Variants in ARAP2 observed in about 807,000 individuals in gnomAD.
The protein encoded by ARAP2 is arf-GAP with Rho-GAP domain, ANK repeat and PH domain-containing protein 2.
ARAP2 carries 148 observed loss-of-function variants against 194.5 expected under a neutral mutation model. The observed-to-expected ratio is 0.76, with a 90% CI of 0.67 to 0.87. ARAP2 has a LOEUF of 0.87. Among genes scored for constraint, ARAP2 ranks in the 40% least tolerant of loss-of-function variants. The pLI is 0.00. For missense variants in ARAP2, 2,128 were observed against 1,989.7 expected (o/e 1.07, Z -1.32); for synonymous variants, 695 against 683.5 (o/e 1.02, Z -0.26).
At chr4:36,054,513 T>C (rs1723182507) in intron 2 of ARAP2, among the ~76,000 whole-genome samples, 2 of 152,126 alleles carry the variant, frequency 1.3e-5, no homozygotes, top group Non-Finnish European at 2.9e-5. Context: ...TTAGTAACGA[T>C]ATGCACCTTC....
rs1722261592 is a variant in ARAP2, at chr4:36,119,806, A to ATAC, written c.3895-91_3895-89dup. 7.8e-6 allele frequency: 7 copies of ATAC among 893,250 alleles called. No homozygotes were observed. In the South Asian group the frequency reaches 1.3e-4, roughly 17 times the overall value. The allele number at this position is 893,250 out of a possible 1,614,324, so 55.3% of individuals were successfully genotyped here. ...CCTCATGTAATCTTCAGGAATTTAAATACTAACAACTTAAAAATAAATGAG... is the reference window on the plus strand; with the variant it reads ...CCTCATGTAATCTTCAGGAATTTAAATACTACTAACAACTTAAAAATAAATGAG... On this transcript the variant is annotated intron_variant, in intron 23 of 32. Coordinates refer to ENST00000303965, the MANE Select transcript of ARAP2 (RefSeq NM_015230.4).
intron 27 of ARAP2, among the ~76,000 whole-genome samples, chr4:36,093,153 A>T (rs1027615116): frequency 1.7e-4 from 26 of 152,066 alleles, no homozygotes; most frequent in Non-Finnish European, 3.1e-4. Flanking sequence ...GAGCTAAATG[A>T]TGAGAACACG....
At chr4:36,035,239 T>G (rs1457380238) in intron 5 of ARAP2, among the ~76,000 whole-genome samples, 1 of 152,138 alleles carries the variant, frequency 6.6e-6, no homozygotes, top group Non-Finnish European at 1.5e-5. Flanking sequence ...AGGCTATTTA[T>G]TACTGATCCA....
intron 10 of ARAP2, chr4:36,005,866 T>C (rs1713167526): frequency 6.6e-6 from 1 of 152,176 alleles, no homozygotes; most frequent in African/African-American, 2.4e-5. Context: ...TAGGATCTCT[T>C]TTTTCTTAAA....
chr4:36,198,219 T>C (rs1309650223), intron 6 of ARAP2, among the ~76,000 whole-genome samples: 1 of 152,198 alleles, frequency 6.6e-6, no homozygotes, highest in Non-Finnish European at 1.5e-5. Context: ...GGGTAGGCCC[T>C]GGCCATGGGT....
At chr4:36,178,097 C>G in intron 8 of ARAP2, 92 bp from the exon 9 acceptor site, 1 of 1,098,210 alleles carries the variant, frequency 9.1e-7, no homozygotes, top group South Asian at 1.8e-5. Flanking sequence ...CTTTGCAACA[C>G]ATAAGTGACA....
intron 14 of ARAP2, 43 bp downstream of exon 14, chr4:36,159,288 A>C (rs372599262): frequency 4.2e-5 from 60 of 1,421,784 alleles, no homozygotes; most frequent in Non-Finnish European, 5.4e-5. Flanking sequence ...CCTTTTACGG[A>C]TCTATCAGAA....
At position 36,187,566 on chromosome 4, in the gene ARAP2, C is replaced by T. The variant is rs1331183304; in HGVS notation, c.1563G>A (p.Met521Ile). Reference sequence around the variant, plus strand: ...AAAGGGGAATTATTCCTTTCGAATACATCTCCTGTATTGGTTAGAAAAAAA... The same window carrying T: ...AAAGGGGAATTATTCCTTTCGAATATATCTCCTGTATTGGTTAGAAAAAAA... Reference protein sequence around the residue: ...SISYYNNEKEMYSKGIIPLSA... With the variant: ...SISYYNNEKEIYSKGIIPLSA... Residue 521 changes from methionine to isoleucine, a missense_variant, in exon 8 of 33, where the codon ATG (methionine) becomes ATA (isoleucine). Physicochemically the swap from Met to Ile is conservative, Grantham distance 10 (BLOSUM62 1). Coordinates refer to ENST00000303965, the MANE Select transcript of ARAP2 (RefSeq NM_015230.4). 1.3e-6 allele frequency: 2 copies of T among 1,551,422 alleles called. No homozygotes were observed. Among genetic ancestry groups the T allele is most frequent in the South Asian group, 2.6e-5 (2 of 77,450 alleles).
intron 6 of ARAP2, among the ~76,000 whole-genome samples, chr4:36,199,136 C>T (rs1743829722): frequency 6.6e-6 from 1 of 152,236 alleles, no homozygotes; most frequent in African/African-American, 2.4e-5. Context: ...CCTGGCCACA[C>T]CTCTCTGCTG....
intron 2 of ARAP2, among the ~76,000 whole-genome samples, chr4:36,225,074 T>A (rs1184370659): frequency 1.3e-5 from 2 of 152,162 alleles, no homozygotes; most frequent in African/African-American, 4.8e-5. Context: ...ACAGGAGACT[T>A]CAGGTTTAGA....
rs761484036 is a variant in ARAP2, at chr4:36,068,045, C to A, written c.4977G>T (p.Lys1659Asn). ...KGHKGLKTLRKTEDRNSKATL... is the reference protein window; with the variant it reads ...KGHKGLKTLRNTEDRNSKATL... Reference sequence around the variant, plus strand: ...TAGCTTTGCTATTCCTGTCCTCAGTCTTCCTCAATGTCTTTAGGCCTTTAT... The same window carrying A: ...TAGCTTTGCTATTCCTGTCCTCAGTATTCCTCAATGTCTTTAGGCCTTTAT... The change falls in exon 33 of 33, where the codon AAG becomes AAT. Residue 1659 changes from lysine (K) to asparagine (N), a missense_variant. By Grantham distance (94) the Lys-to-Asn change is moderately conservative. Transcript: ENST00000303965. 7.4e-6 allele frequency: 12 copies of A among 1,614,138 alleles called. No homozygotes were observed. In the East Asian group the frequency reaches 2.7e-4, roughly 36 times the overall value.
Position 36,120,031 on chromosome 4 carries a change from T to G in ARAP2, c.3895-313A>C, listed in dbSNP as rs376237107. Among the ~76,000 whole-genome samples the G allele has an allele frequency of 8.6e-5, 13 of 151,532 alleles. No individual in the cohort carries two copies. In the East Asian group the frequency reaches 1.2e-3, roughly 14 times the overall value. Reference sequence around the variant, plus strand: ...GTTTATGTAGGTTGAGAAACAAAGCTCATGTATCAAACTGAAATGTTCATT... The same window carrying G: ...GTTTATGTAGGTTGAGAAACAAAGCGCATGTATCAAACTGAAATGTTCATT... On this transcript the variant is annotated intron_variant, in intron 23 of 32. Coordinates refer to ENST00000303965, the MANE Select transcript of ARAP2 (RefSeq NM_015230.4).
intron 7 of ARAP2, among the ~76,000 whole-genome samples, chr4:36,189,586 C>T (rs1741401922): frequency 6.6e-6 from 1 of 152,146 alleles, no homozygotes. Context: ...ACAGCCTCTA[C>T]TATCCTCTGT....
rs529458233 is a variant in ARAP2, at chr4:36,167,212, G to A, written c.1858-165C>T. The stretch of plus-strand genomic sequence containing the variant: ...ACATAATAGCACTGGGCCAACTTAA[G>A]CTTGACAGTTGGACTATTGATAGCG... On this transcript the variant is annotated intron_variant, in intron 9 of 32. Transcript: ENST00000303965. Among the ~76,000 whole-genome samples the A allele has an allele frequency of 1.4e-4, 21 of 152,186 alleles. No individual in the cohort carries two copies. The South Asian group carries it at 4.1e-3, about 30-fold the overall frequency.
intron 2 of ARAP2, among the ~76,000 whole-genome samples, chr4:36,220,729 AAATT>A (rs1387261037): frequency 3.9e-5 from 6 of 152,100 alleles, no homozygotes; most frequent in Admixed American, 3.9e-4. Flanking sequence ...ACCTTTTTAA[AAATT>A]AATTAAAAAT....
Position 36,210,500 on chromosome 4 carries a change from A to T in ARAP2, c.1377T>A (p.Asn459Lys). The change falls in exon 6 of 33, where the codon AAT becomes AAA. Residue 459 changes from asparagine to lysine, a missense_variant. By Grantham distance (94) the Asn-to-Lys change is moderately conservative. Coordinates refer to ENST00000303965, the MANE Select transcript of ARAP2 (RefSeq NM_015230.4). ...HSYPLSSTSGNADSSAVSSQA... is the reference protein window; with the variant it reads ...HSYPLSSTSGKADSSAVSSQA... ...GTGAAGAAACGGCTGATGAATCAGC[A>T]TTTCCACTTGTTGAGCTTAACGGAT... is the stretch of plus-strand genomic sequence containing the variant. The T allele has an allele frequency of 6.2e-7, 1 of 1,614,014 alleles. No individual in the cohort carries two copies. Among genetic ancestry groups the T allele is most frequent in the Non-Finnish European group, 8.5e-7 (1 of 1,179,876 alleles).
intron 7 of ARAP2, among the ~76,000 whole-genome samples, chr4:36,192,455 T>A (rs1742139121): frequency 6.6e-6 from 1 of 152,092 alleles, no homozygotes; most frequent in South Asian, 2.1e-4. Context: ...TTGACACAGT[T>A]ACTAGAAATT....
At chr4:36,040,308 T>A (rs915535753) in intron 5 of ARAP2, among the ~76,000 whole-genome samples, 1 of 152,288 alleles carries the variant, frequency 6.6e-6, no homozygotes, top group Non-Finnish European at 1.5e-5. Flanking sequence ...ACAAAACACA[T>A]ACGATGCCCA....
intron 31 of ARAP2, among the ~76,000 whole-genome samples, chr4:36,075,434 A>G (rs1728042172): frequency 6.6e-6 from 1 of 152,138 alleles, no homozygotes; most frequent in South Asian, 2.1e-4. Context: ...CATATAGGTG[A>G]GGATCAAACT....
Sources: gnomAD v4.1 joint callset for allele counts (sites outside exome capture counted in the v4.1 genomes callset) on GRCh38, gnomAD v4.1.1 for gene constraint, MANE v1.5 for transcripts, NCBI Gene and HGNC (gene_info 2026-07-23, HGNC 2026-07-21) for gene names.